Variants in SI observed in about 807,000 individuals in gnomAD.
SI encodes the protein sucrase-isomaltase, intestinal.
A neutral mutation model predicts 253.3 loss-of-function variants in SI; 235 were observed. The observed-to-expected ratio is 0.93, with a 90% CI of 0.83 to 1.03. The LOEUF is 1.03. Ranked by LOEUF, SI falls within the 50% of genes least tolerant of loss-of-function variation. SI has a pLI of 0.00. For synonymous variants in SI, 819 were observed against 712.0 expected, an observed-to-expected ratio of 1.15 and a Z score of -2.39; for missense variants, 2,442 against 2,211.1, an observed-to-expected ratio of 1.10 and a Z score of -2.09.
chr3:164,998,908 C>A (rs1718140561), intron 37 of SI, among the ~76,000 whole-genome samples: 1 of 151,644 alleles, frequency 6.6e-6, no homozygotes, highest in Non-Finnish European at 1.5e-5. Context: ...TATTAAGAGG[C>A]CTTTATATAT....
At chr3:164,983,561 G>A (rs918451089) in intron 45 of SI, among the ~76,000 whole-genome samples, 1 of 151,988 alleles carries the variant, frequency 6.6e-6, no homozygotes, top group Non-Finnish European at 1.5e-5. Context: ...TAGGTTTATA[G>A]CCACCTCTTT....
In SI at chr3:165,068,806, T is replaced by C. The variant is rs1714392825; in HGVS notation, c.399A>G (p.Ile133Met). Residue 133 changes from isoleucine to methionine, a missense_variant, in exon 5 of 48, where the codon ATA (isoleucine) becomes ATG (methionine). Transcript: ENST00000264382. ...CATTTCCAAATAGTGTAGGTGAAGG[T>C]ATCCTGTTTAATTTGGCTTCAACTC... Reference protein sequence around the residue: ...SIGVEAKLNRIPSPTLFGNDI... With the variant: ...SIGVEAKLNRMPSPTLFGNDI... The C allele has an allele frequency of 2.5e-6, 4 of 1,611,192 alleles. No homozygotes were observed. Among genetic ancestry groups the C allele is most frequent in the Non-Finnish European group, 3.4e-6 (4 of 1,179,170 alleles).
chr3:164,996,859 G>C (rs1459757834), intron 38 of SI, 87 bp from the exon 39 acceptor site: 1 of 679,156 alleles, frequency 1.5e-6, no homozygotes, highest in Non-Finnish European at 2.3e-6. Context: ...ATGATGTTCT[G>C]TTTTTAATAT....
chr3:164,982,534 G>A, intron 46 of SI, 124 bp from the exon 47 acceptor site: 2 of 728,682 alleles, frequency 2.7e-6, no homozygotes, highest in Non-Finnish European at 4.7e-6. Flanking sequence ...TTGTGCATTT[G>A]ATATAAGGTA....
chr3:165,046,728 T>G (rs1713134220), intron 16 of SI, 113 bp downstream of exon 16: 3 of 884,856 alleles, frequency 3.4e-6, no homozygotes, highest in Admixed American at 2.3e-5. Context: ...AATAAAAAAC[T>G]GAATTATTTC....
chr3:165,008,411 A>C (rs377673301), intron 35 of SI, among the ~76,000 whole-genome samples: 1 of 151,992 alleles, frequency 6.6e-6, no homozygotes, highest in Non-Finnish European at 1.5e-5. Flanking sequence ...AAGTATCTCT[A>C]TTGAGTACAT....
chr3:165,039,401 C>G (rs1019625297), intron 19 of SI, among the ~76,000 whole-genome samples: 3 of 152,036 alleles, frequency 2.0e-5, no homozygotes, highest in African/African-American at 7.2e-5. Context: ...TTATAAAACA[C>G]ATGGTCATTG....
Position 165,023,632 on chromosome 3 carries a change from C to G in SI, c.3037G>C (p.Asp1013His), listed in dbSNP as rs1711746692. The change falls in exon 26 of 48, where the codon GAC becomes CAC. Residue 1013 changes from aspartate to histidine, a missense_variant. By Grantham distance (81) the Asp-to-His change is moderately conservative. Transcript: ENST00000264382. Reference sequence around the variant, plus strand: ...TCCACACGAAGAGTTGAGATGGGGTCAGAAGGTAACTTTATTCTGGCATTT... The same window carrying G: ...TCCACACGAAGAGTTGAGATGGGGTGAGAAGGTAACTTTATTCTGGCATTT... ...TANARIKLPS[D>H]PISTLRVEVK... The G allele has an allele frequency of 6.2e-7, 1 of 1,610,888 alleles. No individual in the cohort carries two copies. Among genetic ancestry groups the G allele is most frequent in the Non-Finnish European group, 8.5e-7 (1 of 1,178,004 alleles).
intron 1 of SI, among the ~76,000 whole-genome samples, chr3:165,076,721 A>G (rs949951118): frequency 2.0e-5 from 3 of 151,742 alleles, no homozygotes; most frequent in Non-Finnish European, 4.4e-5. Flanking sequence ...AAAAGACATT[A>G]TACTTTTGAG....
intron 6 of SI, 119 bp downstream of exon 6, chr3:165,067,221 C>T (rs1560016507): frequency 2.8e-6 from 2 of 716,410 alleles, no homozygotes; most frequent in East Asian, 2.8e-5. Flanking sequence ...TTTTATAAAC[C>T]TATCCACCTA....
At position 164,994,370 on chromosome 3, in the gene SI, A is replaced by T. The variant is rs1342753167; in HGVS notation, c.4728T>A (p.Ala1576=). 6.2e-7 allele frequency: 1 copy of T among 1,611,246 alleles called. No individual in the cohort carries two copies. Among genetic ancestry groups the T allele is most frequent in the Admixed American group, 1.7e-5 (1 of 59,870 alleles). The change falls in exon 41 of 48, where the codon GCT becomes GCA. Residue 1576 remains alanine, a synonymous_variant. Coordinates refer to ENST00000264382, the MANE Select transcript of SI (RefSeq NM_001041.4). The part of the protein sequence containing the change: ...QDPASWNETF[A]EMSRNILNIR... The stretch of plus-strand genomic sequence containing the variant: ...TATTTAGAATATTCCTTGACATTTC[A>T]GCAAAAGTTTCATTCCAGGAAGCGG...
the SI span, among the ~76,000 whole-genome samples, chr3:165,090,159 A>AAGAG: frequency 4.1e-5 from 6 of 147,684 alleles, no homozygotes; most frequent in Non-Finnish European, 7.5e-5. Context: ...TAAAAAAAAA[A>AAGAG]AGAGAGAGAG....
intron 25 of SI, 28 bp downstream of exon 25, chr3:165,030,684 C>G: frequency 6.2e-7 from 1 of 1,602,574 alleles, no homozygotes; most frequent in South Asian, 1.1e-5. Context: ...ATAACCATAT[C>G]ATGAGTAATA....
chr3:165,081,363 A>C (rs1715316626), upstream of SI, among the ~76,000 whole-genome samples: 1 of 151,974 alleles, frequency 6.6e-6, no homozygotes, highest in Non-Finnish European at 1.5e-5. Flanking sequence ...ATAACTGGTG[A>C]TTGACACCTA....
intron 8 of SI, 27 bp downstream of exon 8, chr3:165,063,415 A>T: frequency 9.9e-7 from 1 of 1,006,150 alleles, no homozygotes; most frequent in African/African-American, 1.6e-5. Context: ...AAATCTATAA[A>T]TATATTATCA....
chr3:165,009,506 G>A, intron 34 of SI, 111 bp from the exon 35 acceptor site: 3 of 711,358 alleles, frequency 4.2e-6, no homozygotes, highest in East Asian at 2.6e-5. Flanking sequence ...TGATAATGAA[G>A]GAAATTGACA....
At chr3:165,086,149 G>C in the SI span, among the ~76,000 whole-genome samples, 2 of 152,104 alleles carry the variant, frequency 1.3e-5, no homozygotes, top group African/African-American at 4.8e-5. Flanking sequence ...AGCTACTTGG[G>C]AGGCTGAGGC....
chr3:164,989,381 A>AAAGG (rs750103930), intron 44 of SI, among the ~76,000 whole-genome samples: 7 of 93,482 alleles, frequency 7.5e-5, no homozygotes, highest in East Asian at 3.2e-4. Flanking sequence ...AGGAAGAAAG[A>AAAGG]AAGAAAGGAA....
At chr3:165,020,646 A>G (rs1247320024) in intron 27 of SI, among the ~76,000 whole-genome samples, 3 of 151,590 alleles carry the variant, frequency 2.0e-5, no homozygotes, top group African/African-American at 4.8e-5. Flanking sequence ...TCCTGATAAC[A>G]TCATCTAAGG....
Sources: allele counts gnomAD v4.1 joint callset (sites outside exome capture counted in the v4.1 genomes callset), GRCh38; gene constraint gnomAD v4.1.1; transcripts MANE v1.5; gene names NCBI Gene and HGNC (gene_info 2026-07-23, HGNC 2026-07-21).